The following ADSS2 variants were observed in gnomAD, a reference collection of about 807,000 sequenced individuals.
ADSS2 encodes the protein adenylosuccinate synthase 2, also known as adenylosuccinate synthetase isozyme 2.
A neutral mutation model predicts 60.0 loss-of-function variants in ADSS2; 30 were observed. The observed-to-expected ratio is 0.50, with a 90% CI of 0.37 to 0.68. ADSS2 has a LOEUF of 0.68. ADSS2 is among the 30% of genes least tolerant of loss of function. The pLI, the probability that ADSS2 is intolerant of heterozygous loss-of-function variation, is 0.00. For synonymous variants in ADSS2, 187 were observed against 193.1 expected (o/e 0.97, Z 0.26); for missense variants, 373 against 554.8 (o/e 0.67, Z 3.29).
At chr1:244,425,096 T>A (rs1664774204) in intron 4 of ADSS2, among the ~76,000 whole-genome samples, 1 of 152,124 alleles carries the variant, frequency 6.6e-6, no homozygotes, top group African/African-American at 2.4e-5. Flanking sequence ...TTGTACTCCC[T>A]CTCTCCCCTG....
At chr1:244,432,660 CT>C (rs532312490) in intron 3 of ADSS2, 65 bp from the exon 4 acceptor site, 9,482 of 383,452 alleles carry the variant, frequency 0.025, no homozygotes, top group East Asian at 0.075. Flanking sequence ...ATCTTAATTT[CT>C]TTTTTTTTTT....
rs1664664893 is a variant in ADSS2 at position 244,421,042 on chromosome 1, TTACAC to T, written c.664-751_664-747del. 5.5e-4 allele frequency among the ~76,000 whole-genome samples: 3 copies of T among 5,492 alleles called. No homozygotes were observed. In the Admixed American group the frequency reaches 7.5e-3, roughly 14 times the overall value. 3.6% of individuals were successfully genotyped at this position (5,492 alleles called of 152,430 possible). ...CTCAAAATGTGGTGAGGGCCACGAGTTACACTGCCAGGGCCACGAGTTACACTGCC... is the reference window on the plus strand; with the variant it reads ...CTCAAAATGTGGTGAGGGCCACGAGTTGCCAGGGCCACGAGTTACACTGCC... On this transcript the variant is annotated intron_variant, in intron 7 of 12. Transcript: ENST00000366535.
At chr1:244,437,490 T>G (rs1665134609) in intron 2 of ADSS2, among the ~76,000 whole-genome samples, 176 bp downstream of exon 2, 1 of 152,168 alleles carries the variant, frequency 6.6e-6, no homozygotes, top group Non-Finnish European at 1.5e-5. Context: ...TAAAAGATCT[T>G]ACAGTGACAA....
intron 12 of ADSS2, among the ~76,000 whole-genome samples, 196 bp from the exon 13 acceptor site, chr1:244,409,834 CAGT>C (rs930340363): frequency 2.0e-5 from 3 of 152,202 alleles, no homozygotes; most frequent in Non-Finnish European, 4.4e-5. Flanking sequence ...CAGCACAGGA[CAGT>C]ATGCCTTACT....
At chr1:244,447,130 T>C (rs1197024889) in intron 1 of ADSS2, among the ~76,000 whole-genome samples, 1 of 152,226 alleles carries the variant, frequency 6.6e-6, no homozygotes, top group Non-Finnish European at 1.5e-5. Context: ...AATGTTGATG[T>C]TTCTGTTGCT....
chr1:244,439,507 C>G (rs73129734), intron 1 of ADSS2, among the ~76,000 whole-genome samples: 4 of 152,180 alleles, frequency 2.6e-5, no homozygotes, highest in African/African-American at 9.7e-5. Context: ...CCTGCCCCTA[C>G]TGTGGCTGGG....
intron 4 of ADSS2, among the ~76,000 whole-genome samples, chr1:244,426,776 G>A (rs907948519): frequency 4.6e-5 from 7 of 152,022 alleles, no homozygotes; most frequent in Admixed American, 2.6e-4. Flanking sequence ...TACAATTGTA[G>A]GCCCCTACCT....
intron 12 of ADSS2, 65 bp downstream of exon 12, chr1:244,411,222 A>C: frequency 1.3e-6 from 2 of 1,516,148 alleles, no homozygotes; most frequent in Non-Finnish European, 1.8e-6. Flanking sequence ...CCGTCTCAAA[A>C]AAAAAAAAAG....
chr1:244,451,958 C>T, upstream of ADSS2: 2 of 871,892 alleles, frequency 2.3e-6, no homozygotes, highest in Non-Finnish European at 3.3e-6. This position sits in a 1 kb window ranked among gnomAD's most constrained non-coding sequence, Gnocchi z 6.6. Flanking sequence ...CGGGCCGCCA[C>T]CCTCCAGCCA....
At chr1:244,421,712 C>T (rs1664679213) in intron 7 of ADSS2, among the ~76,000 whole-genome samples, 1 of 152,192 alleles carries the variant, frequency 6.6e-6, no homozygotes, top group Admixed American at 6.5e-5. Context: ...GGTATGGTAG[C>T]TCATGCCTGT....
At chr1:244,421,382 A>C (rs1272923717) in intron 7 of ADSS2, among the ~76,000 whole-genome samples, 1 of 152,172 alleles carries the variant, frequency 6.6e-6, no homozygotes. Context: ...AACCCACCTG[A>C]GTGTGTTAAT....
intron 11 of ADSS2, among the ~76,000 whole-genome samples, chr1:244,415,029 G>A (rs191927423): frequency 3.9e-5 from 6 of 152,288 alleles, no homozygotes; most frequent in Admixed American, 3.3e-4. Context: ...GAGTGGTTCC[G>A]GGGGATCTTG....
chr1:244,441,125 C>G lies in ADSS2; in HGVS notation c.184-3357G>C, dbSNP rs747109490. On this transcript the variant is annotated intron_variant, in intron 1 of 12. Coordinates refer to ENST00000366535, the MANE Select transcript of ADSS2 (RefSeq NM_001126.5). ...CCAGGCTGGAGTGCAATGGCGCGAT[C>G]TCGGCCCACTGCAAACTCCGCCTCT... is the stretch of plus-strand genomic sequence containing the variant. Among the ~76,000 whole-genome samples the G allele has an allele frequency of 4.8e-4, 72 of 149,706 alleles. 1 individual carries two copies. Among genetic ancestry groups the G allele is most frequent in the Admixed American group, 8.0e-4 (12 of 15,004 alleles).
intron 1 of ADSS2, among the ~76,000 whole-genome samples, chr1:244,446,940 T>C (rs999148942): frequency 6.6e-6 from 1 of 152,202 alleles, no homozygotes; most frequent in African/African-American, 2.4e-5. Flanking sequence ...AAACTTAATA[T>C]AGACAAAAAT....
intron 1 of ADSS2, among the ~76,000 whole-genome samples, chr1:244,449,392 AAAGG>A (rs1204791328): frequency 6.6e-6 from 1 of 152,214 alleles, no homozygotes; most frequent in Non-Finnish European, 1.5e-5. Context: ...AAACTCTAAC[AAAGG>A]ACATATTTTC....
Position 244,409,625 on chromosome 1 carries a change from AC to A in ADSS2, c.1331del (p.Gly444ValfsTer9). 6.2e-7 allele frequency: 1 copy of A among 1,607,804 alleles called. No homozygotes were observed. Reference sequence around the variant, plus strand: ...TCATAGATTCTCTGGATTTACCAACACCAATCCACTTAACTAGGAGAATACA... The same window carrying A: ...TCATAGATTCTCTGGATTTACCAACACAATCCACTTAACTAGGAGAATACA... ...DELQIPVKWI[G>X]VGKSRESMIQ... On this transcript the variant is annotated frameshift_variant, in exon 13 of 13. Coordinates refer to ENST00000366535, the MANE Select transcript of ADSS2 (RefSeq NM_001126.5). LOFTEE classifies it high-confidence loss of function.
intron 11 of ADSS2, among the ~76,000 whole-genome samples, chr1:244,413,849 T>C (rs1238435851): frequency 6.6e-6 from 1 of 152,122 alleles, no homozygotes; most frequent in Non-Finnish European, 1.5e-5. Context: ...CTCATTATTA[T>C]ACCTTAACTC....
chr1:244,433,017 A>C (rs1317865104), intron 3 of ADSS2, among the ~76,000 whole-genome samples: 1 of 152,090 alleles, frequency 6.6e-6, no homozygotes, highest in Non-Finnish European at 1.5e-5. Context: ...CAGGTGGATC[A>C]CTTGAGGCCA....
intron 11 of ADSS2, among the ~76,000 whole-genome samples, chr1:244,411,925 A>C (rs994191608): frequency 8.5e-5 from 13 of 152,214 alleles, no homozygotes; most frequent in African/African-American, 3.1e-4. Context: ...TGGAAACTGA[A>C]CATGTACTAA....
Sources: gnomAD v4.1 joint callset for allele counts (sites outside exome capture counted in the v4.1 genomes callset) on GRCh38, gnomAD v4.1.1 for gene constraint, Gnocchi (gnomAD v3.1) non-coding constraint, MANE v1.5 for transcripts, NCBI Gene and HGNC (gene_info 2026-07-23, HGNC 2026-07-21) for gene names.